SEC31A: variants seen among roughly 807,000 people sequenced by gnomAD.
SEC31A encodes the protein protein transport protein Sec31A.
In SEC31A, 70 loss-of-function variants were observed where a neutral mutation model predicts 151.0. The observed-to-expected ratio is 0.46, with a 90% CI of 0.38 to 0.57. The LOEUF (loss-of-function observed/expected upper bound fraction) is 0.57, where lower values mean the gene tolerates loss of function less well. SEC31A is among the 20% of genes least tolerant of loss of function. The pLI, the probability that SEC31A is intolerant of heterozygous loss-of-function variation, is 0.00. For synonymous variants in SEC31A, 475 were observed against 505.9 expected, an observed-to-expected ratio of 0.94 and a Z score of 0.82; for missense variants, 1,330 against 1,471.2, an observed-to-expected ratio of 0.90 and a Z score of 1.57.
At chr4:82,830,983 C>T in intron 22 of SEC31A, 2 of 1,189,190 alleles carry the variant, frequency 1.7e-6, no homozygotes, top group East Asian at 6.1e-5. Context: ...TTTCTGTAGA[C>T]AAAATGTAAA....
At chr4:82,848,642 G>A (rs989952698) in intron 20 of SEC31A, among the ~76,000 whole-genome samples, 162 bp downstream of exon 20, 7 of 152,074 alleles carry the variant, frequency 4.6e-5, no homozygotes, top group Non-Finnish European at 8.8e-5. Flanking sequence ...TCAAAAAGTA[G>A]ATCACAAATA....
At chr4:82,861,397 C>T (rs1459161228) in intron 14 of SEC31A, among the ~76,000 whole-genome samples, 1 of 152,188 alleles carries the variant, frequency 6.6e-6, no homozygotes, top group East Asian at 1.9e-4. Flanking sequence ...GTTAATCTCA[C>T]ATCAACTGTT....
intron 22 of SEC31A, among the ~76,000 whole-genome samples, chr4:82,838,955 T>C (rs1728087996): frequency 1.3e-5 from 2 of 152,300 alleles, no homozygotes; most frequent in South Asian, 2.1e-4. Context: ...ATCTAAGACA[T>C]ATCGGAACGA....
In SEC31A at chr4:82,897,065, T is replaced by C. The variant is rs186038663; in HGVS notation, c.-2+2648A>G. ...GAGATTTATAATCTTTTGAGTCTTC[T>C]TGTTTTCCTTTCATCACTGCTCAAA... On this transcript the variant is annotated intron_variant, in intron 3 of 28. Coordinates refer to the SEC31A transcript ENST00000355196. Among the ~76,000 whole-genome samples the C allele has an allele frequency of 2.0e-5, 3 of 152,338 alleles. No homozygotes were observed. The East Asian group carries it at 5.8e-4, about 29-fold the overall frequency.
At chr4:82,881,183 G>C (rs901724500) in intron 2 of SEC31A, among the ~76,000 whole-genome samples, 1 of 151,962 alleles carries the variant, frequency 6.6e-6, no homozygotes, top group East Asian at 1.9e-4. Context: ...CCCGTGATGG[G>C]GGCTGGGCAC....
intron 7 of SEC31A, 155 bp downstream of exon 7, chr4:82,871,789 A>T (rs1736733690): frequency 5.7e-6 from 5 of 874,162 alleles, no homozygotes; most frequent in Non-Finnish European, 8.6e-6. Flanking sequence ...CAGTGAGCCA[A>T]GATCTTGCCA....
At chr4:82,827,196 G>A (rs527687281) in intron 24 of SEC31A, among the ~76,000 whole-genome samples, 173 bp downstream of exon 24, 7 of 152,260 alleles carry the variant, frequency 4.6e-5, no homozygotes, top group South Asian at 2.1e-4. Flanking sequence ...ATGTGGCCAT[G>A]TAATTGAAAA....
At chr4:82,853,900 T>C (rs919731455) in intron 17 of SEC31A, among the ~76,000 whole-genome samples, 185 bp from the exon 18 acceptor site, 1 of 152,156 alleles carries the variant, frequency 6.6e-6, no homozygotes, top group Non-Finnish European at 1.5e-5. Flanking sequence ...GAATGAAAAA[T>C]TGTATACAAT....
chr4:82,827,684 C>T lies in SEC31A; in HGVS notation c.3028-52G>A, dbSNP rs780809562. 3.3e-5 allele frequency: 52 copies of T among 1,573,814 alleles called. No individual in the cohort carries two copies. The South Asian group carries it at 5.9e-4, about 18-fold the overall frequency. ...CCAGGAGTAAGAATAAAAACGATAG[C>T]AACATTTCTTCAGCTTAAAATAAGG... is the stretch of plus-strand genomic sequence containing the variant. On this transcript the variant is annotated intron_variant, in intron 23 of 26. Transcript: ENST00000395310.
Position 82,863,307 on chromosome 4 carries a change from C to A in SEC31A, c.1509+11G>T, listed in dbSNP as rs1734587042. 6.5e-7 allele frequency: 1 copy of A among 1,530,116 alleles called. No homozygotes were observed. The highest frequency in any genetic ancestry group is 1.2e-5 in the South Asian group (1 of 83,358). 94.8% of individuals were successfully genotyped at this position (1,530,116 alleles called of 1,614,324 possible). A position where few individuals can be genotyped will look rare whatever the true frequency, so the allele number is the denominator to read the frequency against. On this transcript the variant is annotated intron_variant, in intron 12 of 26. Coordinates refer to ENST00000395310, the MANE Select transcript of SEC31A (RefSeq NM_001077207.4). ...TAAAGAGCATGCCATCTAACTTTCCCAAAAGTTTACCTTCTTTCCTAGATC... is the reference window on the plus strand; with the variant it reads ...TAAAGAGCATGCCATCTAACTTTCCAAAAAGTTTACCTTCTTTCCTAGATC...
At chr4:82,856,516 C>T (rs1251831181) in intron 16 of SEC31A, among the ~76,000 whole-genome samples, 1 of 151,260 alleles carries the variant, frequency 6.6e-6, no homozygotes, top group African/African-American at 2.4e-5. Context: ...TTTGGGAGAC[C>T]GAGGTGGGCG....
intron 13 of SEC31A, 195 bp from the exon 14 acceptor site, chr4:82,861,903 T>TTA: frequency 3.9e-5 from 10 of 254,284 alleles, no homozygotes; most frequent in Non-Finnish European, 6.4e-5. Context: ...CACTTTCCCA[T>TTA]TCTTTTTTTT....
At chr4:82,828,741 G>T (rs1725229751) in intron 23 of SEC31A, among the ~76,000 whole-genome samples, 1 of 146,152 alleles carries the variant, frequency 6.8e-6, no homozygotes, top group Non-Finnish European at 1.5e-5. Context: ...TTTGAAAGAG[G>T]CCTGTTGGGA....
rs771800101 is a variant in SEC31A, at chr4:82,844,421, A to G, written c.2591T>C (p.Met864Thr). ...TGGATAAGGTGGTACCTGGGTGTGC[A>G]TATGACCTGGAGATGTGGGAAGCTG... ...AGQLPTSPGH[M>T]HTQVPPYPQP... The change falls in exon 21 of 27, where the codon ATG becomes ACG. Residue 864 changes from methionine to threonine, a missense_variant. Physicochemically the swap from Met to Thr is moderately conservative, Grantham distance 81. Transcript: ENST00000395310. The G allele has an allele frequency of 2.5e-6, 4 of 1,614,090 alleles. No homozygotes were observed. Among genetic ancestry groups the G allele is most frequent in the Non-Finnish European group, 3.4e-6 (4 of 1,180,026 alleles).
At chr4:82,826,205 C>T (rs1432178409) in intron 24 of SEC31A, among the ~76,000 whole-genome samples, 1 of 152,116 alleles carries the variant, frequency 6.6e-6, no homozygotes, top group Non-Finnish European at 1.5e-5. Flanking sequence ...CCCAAAATAA[C>T]ACAGGCTTAT....
At chr4:82,824,804 T>A in intron 24 of SEC31A, 130 bp from the exon 25 acceptor site, 1 of 1,005,250 alleles carries the variant, frequency 9.9e-7, no homozygotes, top group Non-Finnish European at 1.4e-6. Context: ...AATTAAAATT[T>A]AATGTGTGAA....
chr4:82,890,615 G>T, intron 1 of SEC31A: 1 of 413,566 alleles, frequency 2.4e-6, no homozygotes, highest in Non-Finnish European at 3.3e-6. Context: ...AATAATCCTA[G>T]TTAAATGACA....
chr4:82,851,526 G>T lies in SEC31A; in HGVS notation c.2233C>A (p.Leu745Ile). 1 of 1,614,048 alleles carries T rather than the reference G, an allele frequency of 6.2e-7. No homozygotes were observed. ...QAMDTSTVGVLLAAKMSQYAN... is the reference protein window; with the variant it reads ...QAMDTSTVGVILAAKMSQYAN... ...TACTGACTCATCTTCGCAGCCAAGAGAACTCCTACAGTACTAGTGTCCATG... is the reference window on the plus strand; with the variant it reads ...TACTGACTCATCTTCGCAGCCAAGATAACTCCTACAGTACTAGTGTCCATG... Residue 745 changes from leucine (L) to isoleucine (I), a missense_variant, in exon 19 of 27, where the codon CTC (leucine) becomes ATC (isoleucine). Physicochemically the swap from Leu to Ile is conservative, Grantham distance 5 (BLOSUM62 2). Coordinates refer to ENST00000395310, the MANE Select transcript of SEC31A (RefSeq NM_001077207.4).
At position 82,851,623 on chromosome 4, in the gene SEC31A, TAACA is replaced by T. The variant is rs2149357875; in HGVS notation, c.2155-23_2155-20del. ...TCAGATCCTAAATGAAAAAAATGAG[TAACA>T]AACAGAAATATCAAGACCATGTATG... On this transcript the variant is annotated intron_variant, in intron 18 of 26. Transcript: ENST00000395310. 1 of 1,593,606 alleles carries T rather than the reference TAACA, an allele frequency of 6.3e-7. No homozygotes were observed. The highest frequency in any genetic ancestry group is 8.6e-7 in the Non-Finnish European group (1 of 1,166,302).
Sources: gnomAD v4.1 joint callset for allele counts (sites outside exome capture counted in the v4.1 genomes callset) on GRCh38, gnomAD v4.1.1 for gene constraint, MANE v1.5 for transcripts, NCBI Gene and HGNC (gene_info 2026-07-23, HGNC 2026-07-21) for gene names.